The following GARNL3 variants were observed in gnomAD, a reference collection of about 807,000 sequenced individuals.
GARNL3 encodes the protein GTPase activating Rap/RanGAP domain like 3.
A neutral mutation model predicts 125.0 loss-of-function variants in GARNL3; 63 were observed. The observed-to-expected ratio is 0.50, with a 90% CI of 0.41 to 0.62. The LOEUF is 0.62. Ranked by LOEUF, GARNL3 falls within the 20% of genes least tolerant of loss-of-function variation. The probability of loss-of-function intolerance (pLI) is 0.00; values close to 1 mark genes in which losing one functional copy is unlikely to be tolerated. For missense variants in GARNL3, 994 were observed against 1,244.0 expected (o/e 0.80, Z 3.02); for synonymous variants, 439 against 457.5 (o/e 0.96, Z 0.52).
At chr9:127,225,806 C>CCTG (rs1285156773) in intron 1 of GARNL3, among the ~76,000 whole-genome samples, 72 of 3,298 alleles carry the variant, frequency 0.022, no homozygotes, top group South Asian at 0.14. Context: ...CCGCGGCCCC[C>CCTG]GCGCCCCTCG....
intron 24 of GARNL3, among the ~76,000 whole-genome samples, chr9:127,386,507 T>C (rs1588980690): frequency 6.6e-6 from 1 of 152,316 alleles, no homozygotes; most frequent in East Asian, 1.9e-4. Context: ...TTATCCCCCA[T>C]GGTGCAGTAT....
At chr9:127,304,530 C>CTT (rs61493807) in intron 2 of GARNL3, among the ~76,000 whole-genome samples, 5,165 of 98,998 alleles carry the variant, frequency 0.052, 443 homozygotes, top group African/African-American at 0.1. Flanking sequence ...TGGCTTTATT[C>CTT]TTTTTTTTTT....
chr9:127,301,203 T>C (rs2064775175), intron 2 of GARNL3, among the ~76,000 whole-genome samples: 1 of 152,190 alleles, frequency 6.6e-6, no homozygotes, highest in East Asian at 1.9e-4. Flanking sequence ...TGTGAGGTTG[T>C]TATTGAACCT....
intron 17 of GARNL3, among the ~76,000 whole-genome samples, chr9:127,353,313 A>G (rs931147574): frequency 5.9e-5 from 9 of 152,214 alleles, no homozygotes; most frequent in Admixed American, 3.3e-4. Context: ...GCAAACTACT[A>G]CTGCTACAAA....
At chr9:127,348,398 T>G (rs532052705) in intron 16 of GARNL3, among the ~76,000 whole-genome samples, 2 of 152,336 alleles carry the variant, frequency 1.3e-5, no homozygotes, top group African/African-American at 4.8e-5. Context: ...ACAGATGTTA[T>G]TTTTTCTTTA....
At chr9:127,391,309 T>A (rs1310842701) in intron 27 of GARNL3, among the ~76,000 whole-genome samples, 1 of 144,720 alleles carries the variant, frequency 6.9e-6, no homozygotes, top group South Asian at 2.1e-4. Context: ...TAATATATAT[T>A]TTATATTTAT....
chr9:127,357,882 A>C (rs1830773383), intron 21 of GARNL3, among the ~76,000 whole-genome samples: 1 of 152,154 alleles, frequency 6.6e-6, no homozygotes, highest in Non-Finnish European at 1.5e-5. Flanking sequence ...TCCTTGGAGA[A>C]TAAGCTTGAC....
chr9:127,324,917 T>G (rs951157415), intron 6 of GARNL3, 152 bp from the exon 7 acceptor site: 18 of 742,428 alleles, frequency 2.4e-5, no homozygotes, highest in African/African-American at 7.2e-5. Context: ...CATAGTTGGG[T>G]TTTTTTCCCC....
chr9:127,332,869 G>C (rs1829340050), intron 8 of GARNL3, among the ~76,000 whole-genome samples, 154 bp from the exon 9 acceptor site: 1 of 152,080 alleles, frequency 6.6e-6, no homozygotes, highest in Admixed American at 6.5e-5. Flanking sequence ...GCTTCCTCAT[G>C]GTGCTCAAGA....
rs933249708 is a variant in GARNL3 at position 127,343,708 on chromosome 9, G to A, written c.1252-527G>A. On this transcript the variant is annotated intron_variant, in intron 14 of 27. Transcript: ENST00000373387. ...ACTAACATTACTAAGTATGCACTAG[G>A]CACTGTGCGAAGTACCTTACATGCA... 3.3e-5 allele frequency among the ~76,000 whole-genome samples: 5 copies of A among 152,280 alleles called. No homozygotes were observed. The South Asian group carries it at 1.0e-3, about 32-fold the overall frequency.
chr9:127,258,119 G>A (rs959118250), intron 2 of GARNL3, among the ~76,000 whole-genome samples: 1 of 152,118 alleles, frequency 6.6e-6, no homozygotes, highest in African/African-American at 2.4e-5. Context: ...TTTATGGTTG[G>A]TGGATCTTGC....
chr9:127,353,700 T>C (rs1464541230), intron 17 of GARNL3, 146 bp from the exon 18 acceptor site: 3 of 705,786 alleles, frequency 4.3e-6, no homozygotes, highest in African/African-American at 1.8e-5. Context: ...TGAATGTATT[T>C]TGTAGAGCTT....
At chr9:127,307,584 T>C (rs2064991655) in intron 2 of GARNL3, among the ~76,000 whole-genome samples, 1 of 152,088 alleles carries the variant, frequency 6.6e-6, no homozygotes, top group African/African-American at 2.4e-5. Context: ...ATACATGGAG[T>C]TGTTATGATG....
rs34608132 is a variant in GARNL3 at position 127,383,530 on chromosome 9, G to C, written c.2254G>C (p.Ala752Pro). Reference sequence around the variant, plus strand: ...AGATTTCCAGTTCTGTTGGAACCAGGCTCCCTATGCAATTGGTAAGAAAAG... The same window carrying C: ...AGATTTCCAGTTCTGTTGGAACCAGCCTCCCTATGCAATTGGTAAGAAAAG... Reference protein sequence around the residue: ...ASDFQFCWNQAPYAIVCAFPY... With the variant: ...ASDFQFCWNQPPYAIVCAFPY... The change falls in exon 23 of 28, where the codon GCT becomes CCT. Residue 752 changes from alanine (A) to proline (P), a missense_variant. This residue lies in a region of GARNL3 where 728 missense variants were observed against 865.7 expected (regional missense o/e 0.84). Coordinates refer to ENST00000373387, the MANE Select transcript of GARNL3 (RefSeq NM_032293.5). 2.5e-6 allele frequency: 4 copies of C among 1,610,094 alleles called. No homozygotes were observed. The highest frequency in any genetic ancestry group is 1.3e-5 in the African/African-American group (1 of 74,774).
At chr9:127,375,480 A>G (rs1461324432) in intron 22 of GARNL3, among the ~76,000 whole-genome samples, 8 of 151,894 alleles carry the variant, frequency 5.3e-5, no homozygotes, top group African/African-American at 9.7e-5. Flanking sequence ...AAAAAAAAAA[A>G]AAAGAAAAGA....
chr9:127,391,145 C>T (rs1273499713), intron 27 of GARNL3, among the ~76,000 whole-genome samples: 3 of 151,758 alleles, frequency 2.0e-5, no homozygotes, highest in East Asian at 1.9e-4. Flanking sequence ...AGTAGCCGGG[C>T]GTGGTGGCAC....
chr9:127,327,208 G>A (rs73600891), intron 7 of GARNL3, among the ~76,000 whole-genome samples: 5 of 152,290 alleles, frequency 3.3e-5, no homozygotes, highest in East Asian at 1.9e-4. Flanking sequence ...TGTTTGAGGC[G>A]TTGCGGATAC....
intron 9 of GARNL3, among the ~76,000 whole-genome samples, chr9:127,333,760 G>A (rs992237179): frequency 2.0e-5 from 3 of 152,178 alleles, no homozygotes; most frequent in Admixed American, 6.5e-5. Context: ...AGGGAACGAG[G>A]CACTGAGAAT....
chr9:127,318,335 A>G (rs887353891), intron 5 of GARNL3, among the ~76,000 whole-genome samples: 3 of 152,090 alleles, frequency 2.0e-5, no homozygotes, highest in Non-Finnish European at 4.4e-5. Flanking sequence ...GTGCCATTTT[A>G]TAGATGAAAT....
Sources: gnomAD v4.1 joint callset for allele counts (sites outside exome capture counted in the v4.1 genomes callset) on GRCh38, gnomAD v4.1.1 for gene constraint, gnomAD v4.1.1 regional missense constraint, MANE v1.5 for transcripts, NCBI Gene and HGNC (gene_info 2026-07-23, HGNC 2026-07-21) for gene names.